MAPK3: variants seen among roughly 807,000 people sequenced by gnomAD.
The protein encoded by MAPK3 is mitogen-activated protein kinase 3.
A neutral mutation model predicts 41.8 loss-of-function variants in MAPK3; 30 were observed. That is an observed-to-expected ratio of 0.72 (90% CI 0.54 to 0.97). MAPK3 has a LOEUF of 0.97. Among genes scored for constraint, MAPK3 ranks in the 50% least tolerant of loss-of-function variants. The pLI, the probability that MAPK3 is intolerant of heterozygous loss-of-function variation, is 0.00. For missense variants in MAPK3, 413 were observed against 509.9 expected, an observed-to-expected ratio of 0.81 and a Z score of 1.83; for synonymous variants, 222 against 213.4, an observed-to-expected ratio of 1.04 and a Z score of -0.35.
At position 30,117,117 on chromosome 16, in the gene MAPK3, A is replaced by G. The variant is rs576449689; in HGVS notation, c.907+37T>C. On this transcript the variant is annotated intron_variant, in intron 6 of 8. Coordinates refer to ENST00000263025, the MANE Select transcript of MAPK3 (RefSeq NM_002746.3). ...GGCTCACACACCCTCCACGACACCC[A>G]AGGTTTATCCCACACCCACCCTCAT... The G allele has an allele frequency of 1.4e-5, 23 of 1,612,756 alleles. No individual in the cohort carries two copies. The East Asian group carries it at 3.6e-4, about 25-fold the overall frequency.
intron 2 of MAPK3, among the ~76,000 whole-genome samples, chr16:30,119,932 G>T (rs1341573857): frequency 6.6e-6 from 1 of 152,200 alleles, no homozygotes; most frequent in Non-Finnish European, 1.5e-5. Context: ...TCTTCAGGAG[G>T]CCAAGGTGGG....
chr16:30,121,938 G>T lies in MAPK3; in HGVS notation c.239C>A (p.Thr80Asn). 6.2e-7 allele frequency: 1 copy of T among 1,614,196 alleles called. No individual in the cohort carries two copies. The highest frequency in any genetic ancestry group is 8.5e-7 in the Non-Finnish European group (1 of 1,180,040). ...CTCCCGGAGCGTGCGCTGGCAGTAG[G>T]TCTGATGTTCGAAGGGGCTGATCTT... is the stretch of plus-strand genomic sequence containing the variant. ...IKKISPFEHQ[T>N]YCQRTLREIQ... Residue 80 changes from threonine to asparagine, a missense_variant, in exon 2 of 9, where the codon ACC becomes AAC. Physicochemically the swap from Thr to Asn is moderately conservative, Grantham distance 65. Around this residue, in one of 4 missense-constraint regions of MAPK3, gnomAD observed 145 missense variants for 133.0 expected, o/e 1.09. Transcript: ENST00000263025.
chr16:30,117,528 G>A (rs926553619), intron 5 of MAPK3, 142 bp downstream of exon 5: 6 of 746,492 alleles, frequency 8.0e-6, no homozygotes, highest in South Asian at 1.6e-5. Context: ...CTATCCAATG[G>A]GGATAATATC....
rs1163655347 is a variant in MAPK3, at chr16:30,117,301, T to C, written c.776-16A>G. 1 of 1,612,890 alleles carries C rather than the reference T, an allele frequency of 6.2e-7. No individual in the cohort carries two copies. Among genetic ancestry groups the C allele is most frequent in the East Asian group, 2.2e-5 (1 of 44,836 alleles). On this transcript the variant is annotated splice_polypyrimidine_tract_variant and intron_variant, in intron 5 of 8. Coordinates refer to ENST00000263025, the MANE Select transcript of MAPK3 (RefSeq NM_002746.3). Reference sequence around the variant, plus strand: ...CCCAGGATGCCTGTGGATAAGGAGGTGACTTGGTAAATGATCACCTCTTTC... The same window carrying C: ...CCCAGGATGCCTGTGGATAAGGAGGCGACTTGGTAAATGATCACCTCTTTC...
rs754153088 is a variant in MAPK3 at position 30,122,064 on chromosome 16, G to C, written c.171-58C>G. 6 of 1,572,814 alleles carry C rather than the reference G, an allele frequency of 3.8e-6. No homozygotes were observed. In the African/African-American group the frequency reaches 5.4e-5, roughly 14 times the overall value. ...CCTTACAAAGGGGGAGTCCGGGCCT[G>C]GTGGCCCCACCCAGGCCTTGGCAGG... On this transcript the variant is annotated intron_variant, in intron 1 of 8. Coordinates refer to ENST00000263025, the MANE Select transcript of MAPK3 (RefSeq NM_002746.3).
At chr16:30,117,432 C>T (rs997267253) in intron 5 of MAPK3, 147 bp from the exon 6 acceptor site, 4 of 880,822 alleles carry the variant, frequency 4.5e-6, no homozygotes, top group South Asian at 3.2e-5. Flanking sequence ...TGGTGCAGAG[C>T]AAGGGGGCTG....
intron 8 of MAPK3, among the ~76,000 whole-genome samples, chr16:30,116,352 T>G (rs2072954051): frequency 6.6e-6 from 1 of 151,518 alleles, no homozygotes; most frequent in Non-Finnish European, 1.5e-5. Context: ...TTTTGTATTT[T>G]TAGTATAGAT....
At chr16:30,121,480 C>T (rs1439102050) in intron 2 of MAPK3, among the ~76,000 whole-genome samples, 2 of 152,202 alleles carry the variant, frequency 1.3e-5, no homozygotes, top group Non-Finnish European at 2.9e-5. Context: ...ATCATCCATT[C>T]CTTAGCAAGA....
Position 30,116,939 on chromosome 16 carries a change from C to T in MAPK3, c.972G>A (p.Ala324=), listed in dbSNP as rs1289899709. ...NPNKRITVEE[A]LAHPYLEQYY... ...ACTGCTCCAGGTAGGGGTGAGCCAG[C>T]GCTTCCTCCACTGTGATCCGTTTAT... is the stretch of plus-strand genomic sequence containing the variant. Residue 324 remains alanine (A), a synonymous_variant, in exon 7 of 9, where the codon GCG becomes GCA. Coordinates refer to ENST00000263025, the MANE Select transcript of MAPK3 (RefSeq NM_002746.3). 7 of 1,613,662 alleles carry T rather than the reference C, an allele frequency of 4.3e-6. No individual in the cohort carries two copies. Among genetic ancestry groups the T allele is most frequent in the Admixed American group, 3.3e-5 (2 of 59,966 alleles).
rs781519812 is a variant in MAPK3 at position 30,123,082 on chromosome 16, G to A, written c.128C>T (p.Thr43Met). ...GCCCTCGCCGATGTACTGCAACTGC[G>A]TGTAGCGCGGGCCCACGTCGAACGG... ...GQPFDVGPRY[T>M]QLQYIGEGAY... is the part of the protein sequence containing the mutation. Residue 43 changes from threonine (T) to methionine (M), a missense_variant, in exon 1 of 9, where the codon ACG becomes ATG. Physicochemically the swap from Thr to Met is moderately conservative, Grantham distance 81. Around this residue, in one of 4 missense-constraint regions of MAPK3, gnomAD observed 145 missense variants for 133.0 expected, o/e 1.09. Coordinates refer to ENST00000263025, the MANE Select transcript of MAPK3 (RefSeq NM_002746.3). 1.9e-6 allele frequency: 3 copies of A among 1,572,486 alleles called. No homozygotes were observed. The highest frequency in any genetic ancestry group is 1.1e-5 in the South Asian group (1 of 88,374).
In MAPK3 at chr16:30,117,786, T is replaced by G; in HGVS notation, c.661-2A>C. ...GATGTCGATGGACTTGGTATAGCCC[T>G]GGGGGAGAGGAGGAAGTGGTGAGCT... On this transcript the variant is annotated splice_acceptor_variant, in intron 4 of 8. Transcript: ENST00000263025. LOFTEE classifies it high-confidence loss of function. 6.2e-7 allele frequency: 1 copy of G among 1,610,052 alleles called. No individual in the cohort carries two copies. The highest frequency in any genetic ancestry group is 8.5e-7 in the Non-Finnish European group (1 of 1,176,424).
At chr16:30,116,592 A>G (rs892091817) in intron 8 of MAPK3, 44 bp downstream of exon 8, 15 of 1,564,736 alleles carry the variant, frequency 9.6e-6, no homozygotes, top group Non-Finnish European at 1.1e-5. Context: ...AGATATAGAT[A>G]TTTAGTATCA....
At chr16:30,116,872 C>T in intron 7 of MAPK3, 22 bp downstream of exon 7, 1 of 1,613,634 alleles carries the variant, frequency 6.2e-7, no homozygotes, top group Admixed American at 1.7e-5. Flanking sequence ...CCCAGCCCCA[C>T]TGCTGCTGGG....
At chr16:30,121,125 T>C (rs991488149) in intron 2 of MAPK3, among the ~76,000 whole-genome samples, 1 of 152,006 alleles carries the variant, frequency 6.6e-6, no homozygotes, top group African/African-American at 2.4e-5. Flanking sequence ...TTGTTTAGTT[T>C]TGAGACAGAG....
At chr16:30,115,002 C>G (rs2072940989) in intron 8 of MAPK3, among the ~76,000 whole-genome samples, 1 of 150,818 alleles carries the variant, frequency 6.6e-6, no homozygotes, top group African/African-American at 2.4e-5. Context: ...CTTTGAGAAG[C>G]TGAGGTGGTG....
At chr16:30,122,367 G>A in intron 1 of MAPK3, 2 of 349,764 alleles carry the variant, frequency 5.7e-6, no homozygotes, top group Non-Finnish European at 1.1e-5. Flanking sequence ...ACACCATGGG[G>A]CAAATACTGG....
intron 1 of MAPK3, chr16:30,122,508 TCA>T (rs1017851976): frequency 5.4e-6 from 1 of 184,446 alleles, no homozygotes; most frequent in Non-Finnish European, 1.2e-5. Flanking sequence ...CCGGGGGCAC[TCA>T]CAGACCCCTC....
rs1285657710 is a variant in MAPK3, at chr16:30,114,473, A to C, written c.*268T>G. ...CAGAGACTGGGACGCTGGGGAAGGT[A>C]AGGGCGCAGCAGCAGCAGCGGGAGA... On this transcript the variant is annotated 3_prime_UTR_variant, in exon 9 of 9. Coordinates refer to ENST00000263025, the MANE Select transcript of MAPK3 (RefSeq NM_002746.3). 6.7e-6 allele frequency: 1 copy of C among 150,078 alleles called. No individual in the cohort carries two copies. Among genetic ancestry groups the C allele is most frequent in the Admixed American group, 6.6e-5 (1 of 15,096 alleles). 9.3% of individuals were successfully genotyped at this position (150,078 alleles called of 1,614,324 possible).
rs184561113 is a variant in MAPK3, at chr16:30,121,813, G to A, written c.353+11C>T. ...GTGCCTGACCAGCCGACTGGCCAAGGTGAAGGATACACATCTCTCATGGCT... is the reference window on the plus strand; with the variant it reads ...GTGCCTGACCAGCCGACTGGCCAAGATGAAGGATACACATCTCTCATGGCT... On this transcript the variant is annotated intron_variant, in intron 2 of 8. Transcript: ENST00000263025. The A allele has an allele frequency of 3.3e-5, 53 of 1,612,430 alleles. 1 individual carries two copies. The Middle Eastern group carries it at 1.2e-3, about 35-fold the overall frequency.
Sources: allele counts gnomAD v4.1 joint callset (sites outside exome capture counted in the v4.1 genomes callset), GRCh38; gene constraint gnomAD v4.1.1; regional missense constraint gnomAD v4.1.1; transcripts MANE v1.5; gene names NCBI Gene and HGNC (gene_info 2026-07-23, HGNC 2026-07-21).